Variants in FOXP2 observed in about 807,000 individuals in gnomAD.
FOXP2 encodes forkhead box protein P2.
In FOXP2, 12 loss-of-function variants were observed where a neutral mutation model predicts 115.8. That is an observed-to-expected ratio of 0.10 (90% confidence interval 0.07 to 0.17). FOXP2 has a LOEUF of 0.17. Among genes scored for constraint, FOXP2 ranks in the 10% least tolerant of loss-of-function variants. FOXP2 has a pLI of 1.00. For missense variants in FOXP2, 629 were observed against 843.5 expected (o/e 0.75, Z 3.15); for synonymous variants, 328 against 297.7 (o/e 1.10, Z -1.05).
At chr7:114,208,967 T>C (rs1794272852) in intron 1 of FOXP2, among the ~76,000 whole-genome samples, 1 of 152,106 alleles carries the variant, frequency 6.6e-6, no homozygotes, top group Admixed American at 6.5e-5. Context: ...TGATTGTGTT[T>C]TGATTTGTGA....
chr7:114,607,355 C>A (rs1394713950), intron 3 of FOXP2, among the ~76,000 whole-genome samples: 2 of 152,112 alleles, frequency 1.3e-5, no homozygotes, highest in African/African-American at 4.8e-5. Flanking sequence ...TCAAAGAGCA[C>A]TGTACTATAT....
chr7:114,162,503 A>G (rs1461314526), upstream of FOXP2, among the ~76,000 whole-genome samples: 1 of 152,126 alleles, frequency 6.6e-6, no homozygotes, highest in Non-Finnish European at 1.5e-5. Flanking sequence ...TAAAATTTTT[A>G]AAAACATTTT....
In FOXP2 at chr7:114,093,622, A is replaced by T. The variant is rs190059217; in HGVS notation, c.-247+5784A>T. Among the ~76,000 whole-genome samples, 658 of 151,716 alleles carry T rather than the reference A, an allele frequency of 4.3e-3. 5 individuals are homozygous for T. Among genetic ancestry groups the T allele is most frequent in the African/African-American group, 0.015 (624 of 41,402 alleles). Reference sequence around the variant, plus strand: ...TCATTGCATAACTTGCTTTGAAATTACTTTTTACTTTTTTTTTTTTATCCT... The same window carrying T: ...TCATTGCATAACTTGCTTTGAAATTTCTTTTTACTTTTTTTTTTTTATCCT... On this transcript the variant is annotated intron_variant, in intron 1 of 19. Transcript: ENST00000635638.
At chr7:114,661,962 G>A (rs1806887937) in intron 13 of FOXP2, 103 bp from the exon 14 acceptor site, 2 of 1,427,774 alleles carry the variant, frequency 1.4e-6, no homozygotes, top group Admixed American at 3.8e-5. Flanking sequence ...AACATGTTAA[G>A]ATTTTTCACT....
At chr7:114,228,883 A>C (rs1039192452) in intron 1 of FOXP2, among the ~76,000 whole-genome samples, 37 of 148,642 alleles carry the variant, frequency 2.5e-4, no homozygotes, top group Middle Eastern at 3.5e-3. Context: ...CAAAATGATA[A>C]TAGTAAGTTC....
intron 16 of FOXP2, among the ~76,000 whole-genome samples, chr7:114,683,817 G>A (rs918970807): frequency 6.6e-6 from 1 of 152,148 alleles, no homozygotes; most frequent in African/African-American, 2.4e-5. Flanking sequence ...TGAAATGGAA[G>A]TTATTATTCA....
intron 1 of FOXP2, among the ~76,000 whole-genome samples, chr7:114,187,170 T>C (rs538833763): frequency 1.3e-5 from 2 of 152,360 alleles, no homozygotes; most frequent in Non-Finnish European, 2.9e-5. Flanking sequence ...TTCCATTCTT[T>C]ACATGATCAG....
chr7:114,117,421 C>T (rs1375103444), intron 1 of FOXP2, among the ~76,000 whole-genome samples: 1 of 151,780 alleles, frequency 6.6e-6, no homozygotes, highest in Non-Finnish European at 1.5e-5. Context: ...AGGGTTTCGC[C>T]ACGTTGGCCA....
At chr7:114,200,660 C>A (rs1158628669) in intron 1 of FOXP2, among the ~76,000 whole-genome samples, 1 of 152,156 alleles carries the variant, frequency 6.6e-6, no homozygotes, top group Non-Finnish European at 1.5e-5. Context: ...TGCCATTTGA[C>A]CAAGAACTGG....
In FOXP2 at chr7:114,374,325, G is replaced by A. The variant is rs1792088495; in HGVS notation, c.-10-52177G>A. 1.3e-5 allele frequency among the ~76,000 whole-genome samples: 2 copies of A among 152,028 alleles called. 1 individual carries two copies. Among genetic ancestry groups the A allele is most frequent in the South Asian group, 4.1e-4 (2 of 4,822 alleles). ...TTTTTAATTTGTTGACATATTTTAA[G>A]GTTTGATAAGGTAAAACTTTATGAA... On this transcript the variant is annotated intron_variant, in intron 2 of 17. Coordinates refer to the FOXP2 transcript ENST00000634411.
At chr7:114,183,962 C>T (rs1217186794) in intron 1 of FOXP2, among the ~76,000 whole-genome samples, 2 of 152,130 alleles carry the variant, frequency 1.3e-5, no homozygotes, top group African/African-American at 4.8e-5. Context: ...AGACGAGAAA[C>T]ATGAATATTG....
At chr7:114,373,630 A>G (rs1352453967) in intron 2 of FOXP2, among the ~76,000 whole-genome samples, 1 of 152,240 alleles carries the variant, frequency 6.6e-6, no homozygotes, top group Non-Finnish European at 1.5e-5. Flanking sequence ...GCTCCAATCA[A>G]TATCAACCTT....
chr7:114,574,306 A>G (rs751659508), intron 3 of FOXP2, among the ~76,000 whole-genome samples: 1 of 151,792 alleles, frequency 6.6e-6, no homozygotes, highest in Non-Finnish European at 1.5e-5. Context: ...AAAAGCATTA[A>G]TTTCTGGCTT....
chr7:114,273,157 C>A (rs541476522), intron 1 of FOXP2, among the ~76,000 whole-genome samples: 1 of 151,844 alleles, frequency 6.6e-6, no homozygotes, highest in Non-Finnish European at 1.5e-5. Context: ...TCTCTATGTT[C>A]AGAATGTTAT....
intron 1 of FOXP2, among the ~76,000 whole-genome samples, chr7:114,287,232 A>G (rs1313902579): frequency 2.0e-5 from 3 of 151,954 alleles, no homozygotes; most frequent in Non-Finnish European, 4.4e-5. Flanking sequence ...CACTAACACT[A>G]ACGATAGCTG....
At chr7:114,486,225 G>A (rs1350833721) in intron 2 of FOXP2, among the ~76,000 whole-genome samples, 1 of 152,228 alleles carries the variant, frequency 6.6e-6, no homozygotes, top group South Asian at 2.1e-4. Flanking sequence ...AATCATGGTG[G>A]AAGGCAAAGG....
chr7:114,434,590 G>A (rs541711564), intron 2 of FOXP2, among the ~76,000 whole-genome samples: 2 of 151,946 alleles, frequency 1.3e-5, no homozygotes, highest in African/African-American at 4.8e-5. Flanking sequence ...GGTAGGAGTA[G>A]TAAAGAAAAT....
intron 16 of FOXP2, chr7:114,667,554 A>G (rs1354656230): frequency 6.6e-6 from 1 of 152,170 alleles, no homozygotes; most frequent in East Asian, 1.9e-4. Flanking sequence ...CTCAAATAGA[A>G]CAACACCAAC....
intron 1 of FOXP2, among the ~76,000 whole-genome samples, chr7:114,156,300 G>A (rs1792668390): frequency 6.6e-6 from 1 of 152,030 alleles, no homozygotes; most frequent in Admixed American, 6.6e-5. Flanking sequence ...GTGTGCATGT[G>A]GGAGAAGAGC....
Sources: allele counts gnomAD v4.1 joint callset (sites outside exome capture counted in the v4.1 genomes callset), GRCh38; gene constraint gnomAD v4.1.1; transcripts MANE v1.5; gene names NCBI Gene and HGNC (gene_info 2026-07-23, HGNC 2026-07-21).